Variants in REC114 observed in about 807,000 individuals in gnomAD.
REC114 encodes meiotic recombination protein REC114.
Under a neutral mutation model 31.3 loss-of-function variants are expected in REC114, and 27 were observed. The observed-to-expected ratio is 0.86, with a 90% confidence interval of 0.64 to 1.19. REC114 has a LOEUF of 1.19. Ranked by LOEUF, REC114 falls within the 50% of genes most tolerant of loss-of-function variation. The pLI is 0.00. For missense variants in REC114, 344 were observed against 326.9 expected, an observed-to-expected ratio of 1.05 and a Z score of -0.40; for synonymous variants, 134 against 127.7, an observed-to-expected ratio of 1.05 and a Z score of -0.33.
At chr15:73,548,170 G>A (rs1894336672) in intron 3 of REC114, among the ~76,000 whole-genome samples, 1 of 152,080 alleles carries the variant, frequency 6.6e-6, no homozygotes, top group Admixed American at 6.5e-5. Context: ...GTGCAGTGGT[G>A]TGCTCTAGGC....
chr15:73,468,379 GTTC>G (rs1893089336), intron 1 of REC114, among the ~76,000 whole-genome samples: 1 of 152,100 alleles, frequency 6.6e-6, no homozygotes, highest in South Asian at 2.1e-4. Context: ...TCAGGTTCTA[GTTC>G]TTCATTAGTG....
chr15:73,546,962 A>G (rs1894317924), intron 3 of REC114, among the ~76,000 whole-genome samples: 2 of 152,174 alleles, frequency 1.3e-5, no homozygotes, highest in African/African-American at 4.8e-5. Flanking sequence ...GAAAACTACT[A>G]CAAGAAAACA....
chr15:73,455,850 A>C (rs1408628492), intron 1 of REC114, among the ~76,000 whole-genome samples: 1 of 152,188 alleles, frequency 6.6e-6, no homozygotes, highest in African/African-American at 2.4e-5. Context: ...ATTCTGACTC[A>C]GTCAGAATAG....
At chr15:73,445,383 CT>C (rs755585941) in intron 1 of REC114, among the ~76,000 whole-genome samples, 2 of 152,204 alleles carry the variant, frequency 1.3e-5, no homozygotes, top group Non-Finnish European at 2.9e-5. Flanking sequence ...ACCATTACAA[CT>C]TTTTCCATTT....
At chr15:73,481,055 C>T (rs1893287576) in intron 2 of REC114, among the ~76,000 whole-genome samples, 2 of 152,176 alleles carry the variant, frequency 1.3e-5, no homozygotes, top group Admixed American at 1.3e-4. Context: ...TATTCAATCA[C>T]TGGCGTGAAT....
chr15:73,546,374 T>A (rs573539519), intron 3 of REC114, among the ~76,000 whole-genome samples: 1 of 152,148 alleles, frequency 6.6e-6, no homozygotes, highest in South Asian at 2.1e-4. Flanking sequence ...CTTTTAGGCA[T>A]GTATACACAA....
At position 73,556,344 on chromosome 15, in the gene REC114, G is replaced by C; in HGVS notation, c.589G>C (p.Gly197Arg). 1.2e-6 allele frequency: 2 copies of C among 1,613,806 alleles called. No homozygotes were observed. Among genetic ancestry groups the C allele is most frequent in the Non-Finnish European group, 1.7e-6 (2 of 1,179,762 alleles). ...SEQQQVCVTAGTGAPDGRTSL... is the reference protein window; with the variant it reads ...SEQQQVCVTARTGAPDGRTSL... ...ACAACAGCAAGTGTGTGTAACAGCGGGCACAGGCGCTCCAGACGGAAGGAC... is the reference window on the plus strand; with the variant it reads ...ACAACAGCAAGTGTGTGTAACAGCGCGCACAGGCGCTCCAGACGGAAGGAC... The change falls in exon 5 of 6, where the codon GGC becomes CGC. Residue 197 changes from glycine (G) to arginine (R), a missense_variant. Physicochemically the swap from Gly to Arg is moderately radical, Grantham distance 125. Transcript: ENST00000331090.
intron 2 of REC114, among the ~76,000 whole-genome samples, chr15:73,510,968 AG>A (rs1347521485): frequency 1.3e-5 from 2 of 152,190 alleles, no homozygotes; most frequent in African/African-American, 2.4e-5. Context: ...AAAATGAGTT[AG>A]GGAGGATTCC....
intron 2 of REC114, among the ~76,000 whole-genome samples, chr15:73,538,610 C>T (rs1265289410): frequency 1.3e-5 from 2 of 152,044 alleles, no homozygotes; most frequent in Non-Finnish European, 2.9e-5. Context: ...GCACCCGCCA[C>T]CGCACCCAGC....
At chr15:73,499,148 C>T (rs1893568984) in intron 2 of REC114, among the ~76,000 whole-genome samples, 2 of 151,982 alleles carry the variant, frequency 1.3e-5, no homozygotes, top group Admixed American at 1.3e-4. Context: ...AAAGAAACAC[C>T]TCTTAAGGCG....
At chr15:73,557,601 A>G (rs775449200) in intron 5 of REC114, among the ~76,000 whole-genome samples, 2 of 152,186 alleles carry the variant, frequency 1.3e-5, no homozygotes, top group African/African-American at 2.4e-5. Flanking sequence ...ACTAATGCCC[A>G]TATTTGCATT....
intron 2 of REC114, among the ~76,000 whole-genome samples, chr15:73,496,663 A>AC (rs1405351407): frequency 6.6e-6 from 1 of 152,000 alleles, no homozygotes; most frequent in Non-Finnish European, 1.5e-5. Flanking sequence ...AAAAAAAAAA[A>AC]AAAAAATTGC....
chr15:73,451,598 A>G (rs983584373), intron 1 of REC114, among the ~76,000 whole-genome samples: 1 of 152,222 alleles, frequency 6.6e-6, no homozygotes, highest in African/African-American at 2.4e-5. Flanking sequence ...TCTAAACAAT[A>G]TAAAAAGAGG....
At chr15:73,497,863 G>C (rs1893550372) in intron 2 of REC114, among the ~76,000 whole-genome samples, 1 of 152,148 alleles carries the variant, frequency 6.6e-6, no homozygotes, top group South Asian at 2.1e-4. Flanking sequence ...CCAAAAGTAA[G>C]TCACAGAAAC....
At chr15:73,552,340 A>T (rs963019507) in intron 4 of REC114, among the ~76,000 whole-genome samples, 4 of 152,186 alleles carry the variant, frequency 2.6e-5, no homozygotes, top group Non-Finnish European at 5.9e-5. Flanking sequence ...TGAATGCAGC[A>T]GCAAATATAA....
intron 5 of REC114, among the ~76,000 whole-genome samples, chr15:73,558,493 GT>G (rs1230772884): frequency 6.6e-6 from 1 of 152,098 alleles, no homozygotes; most frequent in Non-Finnish European, 1.5e-5. Flanking sequence ...TATTCAACTG[GT>G]TTTAAAACAC....
intron 1 of REC114, among the ~76,000 whole-genome samples, chr15:73,462,884 C>CAAAAAAAAAAACAAA (rs1893008512): frequency 1.8e-5 from 1 of 55,658 alleles, no homozygotes; most frequent in African/African-American, 7.1e-5. Context: ...GACTCCGTCT[C>CAAAAAAAAAAACAAA]AAAAAAAAAA....
chr15:73,540,482 C>T lies in REC114; in HGVS notation c.250-3C>T, dbSNP rs773821560. 2.5e-6 allele frequency: 4 copies of T among 1,612,932 alleles called. No individual in the cohort carries two copies. The highest frequency in any genetic ancestry group is 3.4e-6 in the Non-Finnish European group (4 of 1,179,102). ...TGCTAATTTTTGCCTAATTTTGTTT[C>T]AGGAAGGGTTTTCACTCATTGGTAG... On this transcript the variant is annotated splice_polypyrimidine_tract_variant and splice_region_variant and intron_variant, in intron 2 of 5. Coordinates refer to ENST00000331090, the MANE Select transcript of REC114 (RefSeq NM_001042367.2).
intron 1 of REC114, among the ~76,000 whole-genome samples, chr15:73,467,974 G>A (rs1335226232): frequency 6.6e-6 from 1 of 151,384 alleles, no homozygotes; most frequent in African/African-American, 2.4e-5. Context: ...CATCCTCAAT[G>A]CCAGCAATCA....
Sources: gnomAD v4.1 joint callset for allele counts (sites outside exome capture counted in the v4.1 genomes callset) on GRCh38, gnomAD v4.1.1 for gene constraint, MANE v1.5 for transcripts, NCBI Gene and HGNC (gene_info 2026-07-23, HGNC 2026-07-21) for gene names.